The following PALM2AKAP2 variants were observed in gnomAD, a reference collection of about 807,000 sequenced individuals.
The protein encoded by PALM2AKAP2 is PALM2-AKAP2 fusion protein.
Under a neutral mutation model 71.5 loss-of-function variants are expected in PALM2AKAP2, and 37 were observed. That is an observed-to-expected ratio of 0.52 (90% CI 0.40 to 0.68). The LOEUF (loss-of-function observed/expected upper bound fraction) is 0.68. Among genes scored for constraint, PALM2AKAP2 ranks in the 30% least tolerant of loss-of-function variants. The probability of loss-of-function intolerance (pLI) is 0.00; values close to 1 mark genes in which losing one functional copy is unlikely to be tolerated. For missense variants in PALM2AKAP2, 1,224 were observed against 1,191.8 expected (o/e 1.03, Z -0.40); for synonymous variants, 468 against 478.8 (o/e 0.98, Z 0.29).
intron 1 of PALM2AKAP2, among the ~76,000 whole-genome samples, chr9:110,097,949 A>G (rs1482754593): frequency 1.4e-5 from 2 of 142,900 alleles, no homozygotes; most frequent in Non-Finnish European, 3.0e-5. Context: ...ACTCGTGGTA[A>G]GGAGCTGGAG....
Position 110,013,182 on chromosome 9 carries a change from G to C in PALM2AKAP2, c.497-2772G>C, listed in dbSNP as rs75327101. On this transcript the variant is annotated intron_variant, in intron 6 of 9. Transcript: ENST00000302798. ...TGGGGCTTGTCCTTCTCATGCTGTA[G>C]CAGAGTGCAAGCCTCACCTCTTAAG... is the stretch of plus-strand genomic sequence containing the variant. Among the ~76,000 whole-genome samples, 1,430 of 152,268 alleles carry C rather than the reference G, an allele frequency of 9.4e-3. 22 individuals carry two copies. Among genetic ancestry groups the C allele is most frequent in the African/African-American group, 0.033 (1,380 of 41,554 alleles).
intron 1 of PALM2AKAP2, among the ~76,000 whole-genome samples, chr9:109,767,214 C>T (rs1829167893): frequency 6.6e-6 from 1 of 152,206 alleles, no homozygotes; most frequent in Admixed American, 6.5e-5. Context: ...GGCCCCTCCT[C>T]AGCTGACTTT....
intron 6 of PALM2AKAP2, among the ~76,000 whole-genome samples, chr9:109,988,487 T>C (rs1015752521): frequency 6.9e-6 from 1 of 144,538 alleles, no homozygotes; most frequent in Non-Finnish European, 1.5e-5. Context: ...CATTTAAAAG[T>C]AGGGGAAAAT....
At chr9:109,982,610 A>C (rs1158394595) in intron 6 of PALM2AKAP2, among the ~76,000 whole-genome samples, 1 of 152,186 alleles carries the variant, frequency 6.6e-6, no homozygotes, top group Non-Finnish European at 1.5e-5. Context: ...TACCCACAAA[A>C]ATTAAAACAG....
chr9:109,668,656 G>A (rs1827528638), intron 1 of PALM2AKAP2, among the ~76,000 whole-genome samples: 1 of 152,156 alleles, frequency 6.6e-6, no homozygotes, highest in South Asian at 2.1e-4. Flanking sequence ...TATTTGGTCT[G>A]TGGGCAAACT....
At chr9:110,048,411 C>T (rs887508611), upstream of PALM2AKAP2, among the ~76,000 whole-genome samples, 1 of 152,164 alleles carries the variant, frequency 6.6e-6, no homozygotes, top group Non-Finnish European at 1.5e-5. Flanking sequence ...CCAGACACAG[C>T]GCTCCCCTGA....
intron 6 of PALM2AKAP2, among the ~76,000 whole-genome samples, chr9:109,958,660 G>A (rs1831793016): frequency 6.6e-6 from 1 of 152,014 alleles, no homozygotes; most frequent in East Asian, 1.9e-4. Context: ...GAAAGAAAAG[G>A]AAGAAAGGAA....
chr9:109,807,776 A>G (rs1827621142), intron 1 of PALM2AKAP2, among the ~76,000 whole-genome samples: 1 of 152,098 alleles, frequency 6.6e-6, no homozygotes, highest in Admixed American at 6.5e-5. Context: ...CTCATCTTGA[A>G]TTGTAGTTCC....
intron 3 of PALM2AKAP2, among the ~76,000 whole-genome samples, chr9:110,167,563 G>A (rs1256100387): frequency 2.0e-5 from 3 of 152,216 alleles, no homozygotes; most frequent in African/African-American, 7.2e-5. Flanking sequence ...GAGGAAGGGA[G>A]GCTCTCCCTC....
At chr9:109,700,186 C>A (rs1463013292) in intron 1 of PALM2AKAP2, among the ~76,000 whole-genome samples, 1 of 152,132 alleles carries the variant, frequency 6.6e-6, no homozygotes, top group Admixed American at 6.5e-5. Context: ...CAAATCTCAT[C>A]TTGAATTGTA....
At chr9:109,808,086 G>C (rs929142908) in intron 1 of PALM2AKAP2, among the ~76,000 whole-genome samples, 1 of 152,140 alleles carries the variant, frequency 6.6e-6, no homozygotes, top group Admixed American at 6.6e-5. Flanking sequence ...TATTAGCAGT[G>C]TGTGAACAAA....
chr9:109,795,970 C>T (rs1239405334), intron 1 of PALM2AKAP2, among the ~76,000 whole-genome samples: 1 of 152,210 alleles, frequency 6.6e-6, no homozygotes, highest in Non-Finnish European at 1.5e-5. Context: ...AATATAACTT[C>T]CTGTCTGTCT....
chr9:110,135,424 C>A (rs1835841675), intron 1 of PALM2AKAP2, among the ~76,000 whole-genome samples: 1 of 135,834 alleles, frequency 7.4e-6, no homozygotes. Context: ...TATTGAATCA[C>A]AAACTGAAGA....
At chr9:109,926,770 T>C (rs1271750413) in intron 5 of PALM2AKAP2, among the ~76,000 whole-genome samples, 1 of 152,122 alleles carries the variant, frequency 6.6e-6, no homozygotes, top group Admixed American at 6.5e-5. Context: ...AGACCCTGTA[T>C]GTCATGTTCC....
chr9:110,048,622 G>T, upstream of PALM2AKAP2: 2 of 1,405,390 alleles, frequency 1.4e-6, no homozygotes. Flanking sequence ...CGAGGAGGCG[G>T]GGAAGGGGCG....
chr9:110,161,537 T>C (rs1373133245), intron 3 of PALM2AKAP2, among the ~76,000 whole-genome samples: 1 of 152,206 alleles, frequency 6.6e-6, no homozygotes, highest in African/African-American at 2.4e-5. Context: ...CTCAGGAACT[T>C]ACCCAGGCCC....
chr9:109,805,590 G>T (rs187390782), intron 1 of PALM2AKAP2, among the ~76,000 whole-genome samples: 2 of 152,110 alleles, frequency 1.3e-5, no homozygotes, highest in Admixed American at 1.3e-4. Flanking sequence ...TATCAGTTTC[G>T]GGGAGGCAGC....
chr9:109,882,443 C>T (rs775114356), intron 3 of PALM2AKAP2, among the ~76,000 whole-genome samples: 5 of 152,160 alleles, frequency 3.3e-5, no homozygotes, highest in Non-Finnish European at 5.9e-5. Flanking sequence ...TGTACATATA[C>T]ATATGTATAC....
chr9:109,659,245 A>G (rs1292282531), intron 1 of PALM2AKAP2, among the ~76,000 whole-genome samples: 1 of 152,200 alleles, frequency 6.6e-6, no homozygotes, highest in Non-Finnish European at 1.5e-5. Context: ...ATACCACACA[A>G]TGAATCCATT....
Sources: gnomAD v4.1 joint callset for allele counts (sites outside exome capture counted in the v4.1 genomes callset) on GRCh38, gnomAD v4.1.1 for gene constraint, MANE v1.5 for transcripts, NCBI Gene and HGNC (gene_info 2026-07-23, HGNC 2026-07-21) for gene names.